GALNTL6: variants seen among roughly 807,000 people sequenced by gnomAD.
GALNTL6 encodes polypeptide N-acetylgalactosaminyltransferase-like 6.
In GALNTL6, 46 loss-of-function variants were observed where a neutral mutation model predicts 73.7. That is an observed-to-expected ratio of 0.62 (90% CI 0.49 to 0.80). The LOEUF (loss-of-function observed/expected upper bound fraction) is 0.80, where lower values mean the gene tolerates loss of function less well. GALNTL6 is among the 30% of genes least tolerant of loss of function. The pLI is 0.00. For synonymous variants in GALNTL6, 259 were observed against 263.7 expected, an observed-to-expected ratio of 0.98 and a Z score of 0.17; for missense variants, 604 against 755.0, an observed-to-expected ratio of 0.80 and a Z score of 2.34.
chr4:171,837,929 G>A (rs1360096283), intron 2 of GALNTL6, among the ~76,000 whole-genome samples: 2 of 151,014 alleles, frequency 1.3e-5, no homozygotes, highest in African/African-American at 4.8e-5. Context: ...TACATTACTA[G>A]GTTATGAAAT....
intron 8 of GALNTL6, among the ~76,000 whole-genome samples, chr4:172,907,523 C>T (rs1445448964): frequency 6.6e-6 from 1 of 152,128 alleles, no homozygotes; most frequent in Non-Finnish European, 1.5e-5. Flanking sequence ...AACATAAAAG[C>T]ATTTGATAAA....
chr4:172,417,933 A>G (rs1730903392), intron 5 of GALNTL6, among the ~76,000 whole-genome samples: 1 of 152,114 alleles, frequency 6.6e-6, no homozygotes, highest in Non-Finnish European at 1.5e-5. Context: ...AAATTACTCA[A>G]GTTTTTTTGA....
At chr4:172,428,796 G>A (rs114733238) in intron 5 of GALNTL6, among the ~76,000 whole-genome samples, 3,251 of 152,190 alleles carry the variant, frequency 0.021, 114 homozygotes, top group African/African-American at 0.074. Flanking sequence ...ATCAATGAAC[G>A]AAAACTAAAG....
At position 172,918,648 on chromosome 4, in the gene GALNTL6, G is replaced by A. The variant is rs17059013; in HGVS notation, c.1042-12513G>A. On this transcript the variant is annotated intron_variant, in intron 8 of 12. Transcript: ENST00000506823. ...CACCTCACGTAACCCCCAACATACC[G>A]GAAAAATAGGCTGTCCACTAGGTAG... Among the ~76,000 whole-genome samples, 1,189 of 152,168 alleles carry A rather than the reference G, an allele frequency of 7.8e-3. 15 individuals are homozygous for A. The highest frequency in any genetic ancestry group is 0.025 in the African/African-American group (1,053 of 41,518).
intron 2 of GALNTL6, among the ~76,000 whole-genome samples, chr4:171,994,766 T>C (rs1444087154): frequency 6.6e-6 from 1 of 151,636 alleles, no homozygotes; most frequent in African/African-American, 2.4e-5. Flanking sequence ...CAGTTAAAAA[T>C]AGTTTATTCG....
chr4:172,679,529 C>T (rs1481277188), intron 5 of GALNTL6, among the ~76,000 whole-genome samples: 1 of 151,888 alleles, frequency 6.6e-6, no homozygotes, highest in Admixed American at 6.6e-5. Context: ...GGGCCTATTG[C>T]TTCTGAAGTT....
Position 172,660,412 on chromosome 4 carries a change from A to G in GALNTL6, c.554-148949A>G, listed in dbSNP as rs561343667. Reference sequence around the variant, plus strand: ...TCAACTTTACTGCCCATACACGATCATTAGCATTTCCCTTCACAGCTGTCA... The same window carrying G: ...TCAACTTTACTGCCCATACACGATCGTTAGCATTTCCCTTCACAGCTGTCA... On this transcript the variant is annotated intron_variant, in intron 5 of 12. Coordinates refer to ENST00000506823, the MANE Select transcript of GALNTL6 (RefSeq NM_001034845.3). 6.6e-5 allele frequency among the ~76,000 whole-genome samples: 10 copies of G among 152,324 alleles called. 1 individual carries two copies. In the South Asian group the frequency reaches 2.1e-3, roughly 32 times the overall value.
At chr4:172,029,495 T>G (rs1201556497) in intron 2 of GALNTL6, among the ~76,000 whole-genome samples, 1 of 152,084 alleles carries the variant, frequency 6.6e-6, no homozygotes, top group Admixed American at 6.6e-5. Flanking sequence ...AATTTCATTT[T>G]CTATACTTTA....
chr4:172,862,582 C>G (rs1579579087), intron 7 of GALNTL6, among the ~76,000 whole-genome samples: 1 of 152,114 alleles, frequency 6.6e-6, no homozygotes, highest in South Asian at 2.1e-4. Context: ...CACTTGTAGT[C>G]CCAGCTACTC....
chr4:171,945,056 A>G (rs534917700), intron 2 of GALNTL6, among the ~76,000 whole-genome samples: 1 of 152,230 alleles, frequency 6.6e-6, no homozygotes, highest in South Asian at 2.1e-4. Context: ...TCTTGAGAAG[A>G]TGGCGGGAAG....
At chr4:171,836,400 T>C (rs1241497314) in intron 2 of GALNTL6, among the ~76,000 whole-genome samples, 1 of 152,026 alleles carries the variant, frequency 6.6e-6, no homozygotes, top group African/African-American at 2.4e-5. Flanking sequence ...ATATTTTTAT[T>C]TTAATAATTA....
chr4:172,024,736 A>G (rs1443389526), intron 2 of GALNTL6, among the ~76,000 whole-genome samples: 2 of 152,076 alleles, frequency 1.3e-5, no homozygotes, highest in East Asian at 3.9e-4. Context: ...GTACAAAATA[A>G]ATAGAGTGGA....
At chr4:172,359,179 C>T (rs1489723547) in intron 5 of GALNTL6, among the ~76,000 whole-genome samples, 1 of 152,132 alleles carries the variant, frequency 6.6e-6, no homozygotes, top group Non-Finnish European at 1.5e-5. Flanking sequence ...GGTACATATA[C>T]ACTATGGAAT....
chr4:172,233,996 C>T (rs1231224752), intron 3 of GALNTL6, among the ~76,000 whole-genome samples: 1 of 151,714 alleles, frequency 6.6e-6, no homozygotes, highest in Non-Finnish European at 1.5e-5. Context: ...TCTTAGTAAA[C>T]TAATATTATA....
intron 5 of GALNTL6, among the ~76,000 whole-genome samples, chr4:172,779,661 G>A (rs1364613406): frequency 6.6e-6 from 1 of 152,228 alleles, no homozygotes; most frequent in Non-Finnish European, 1.5e-5. Context: ...AATGGTTACT[G>A]TAGACAGACT....
chr4:172,410,828 T>C (rs1454535938), intron 5 of GALNTL6, among the ~76,000 whole-genome samples: 1 of 152,162 alleles, frequency 6.6e-6, no homozygotes, highest in Non-Finnish European at 1.5e-5. Flanking sequence ...TGCTTTATGA[T>C]GTTGTGACAC....
chr4:172,359,571 TGG>T (rs1263952119), intron 5 of GALNTL6, among the ~76,000 whole-genome samples: 3 of 152,196 alleles, frequency 2.0e-5, no homozygotes, highest in Admixed American at 1.3e-4. Context: ...GAATCAGACT[TGG>T]TTTGTTAAGT....
chr4:172,803,934 T>A (rs1232497310), intron 5 of GALNTL6, among the ~76,000 whole-genome samples: 2 of 152,178 alleles, frequency 1.3e-5, no homozygotes, highest in African/African-American at 2.4e-5. Context: ...TATAGTCAAA[T>A]GCTATCAAAA....
Position 172,156,543 on chromosome 4 carries a change from A to ATATATATATATATATATATACATAC in GALNTL6, c.139-73093_139-73092insCATACTATATATATATATATATATA, listed in dbSNP as rs1579193138. 4.6e-4 allele frequency among the ~76,000 whole-genome samples: 9 copies of ATATATATATATATATATATACATAC among 19,358 alleles called. No homozygotes were observed. The East Asian group carries it at 7.4e-3, about 16-fold the overall frequency. The allele number at this position is 19,358 out of a possible 152,430, so 12.7% of individuals were successfully genotyped here. A position where few individuals can be genotyped will look rare whatever the true frequency, so the allele number is the denominator to read the frequency against. ...CTTTAAATATACATATATATATAATATATATATATATATATATATATATAC... is the reference window on the plus strand; with the variant it reads ...CTTTAAATATACATATATATATAATATATATATATATATATATATACATACTATATATATATATATATATATATAC... On this transcript the variant is annotated intron_variant, in intron 2 of 12. Coordinates refer to ENST00000506823, the MANE Select transcript of GALNTL6 (RefSeq NM_001034845.3).
Sources: allele counts gnomAD v4.1 joint callset (sites outside exome capture counted in the v4.1 genomes callset), GRCh38; gene constraint gnomAD v4.1.1; transcripts MANE v1.5; gene names NCBI Gene and HGNC (gene_info 2026-07-23, HGNC 2026-07-21).